Variants in ADAMTS12 observed in about 807,000 individuals in gnomAD.
ADAMTS12 encodes A disintegrin and metalloproteinase with thrombospondin motifs 12.
In ADAMTS12, 118 loss-of-function variants were observed where a neutral mutation model predicts 167.8. The observed-to-expected ratio is 0.70, with a 90% confidence interval of 0.61 to 0.82. The LOEUF is 0.82. Ranked by LOEUF, ADAMTS12 falls within the 40% of genes least tolerant of loss-of-function variation. The pLI, the probability that ADAMTS12 is intolerant of heterozygous loss-of-function variation, is 0.00. For missense variants in ADAMTS12, 1,916 were observed against 1,998.8 expected (o/e 0.96, Z 0.79); for synonymous variants, 704 against 716.9 (o/e 0.98, Z 0.29).
At chr5:33,717,280 C>A (rs113445166) in intron 3 of ADAMTS12, among the ~76,000 whole-genome samples, 30 of 152,086 alleles carry the variant, frequency 2.0e-4, no homozygotes, top group Non-Finnish European at 4.4e-5. Flanking sequence ...CCTCTCTGCA[C>A]CCAAATTTCA....
At position 33,796,567 on chromosome 5, in the gene ADAMTS12, C is replaced by T. The variant is rs535467436; in HGVS notation, c.490-45019G>A. On this transcript the variant is annotated intron_variant, in intron 2 of 23. Coordinates refer to ENST00000504830, the MANE Select transcript of ADAMTS12 (RefSeq NM_030955.4). Reference sequence around the variant, plus strand: ...AGGCAGATGGAGAGCTGAATTCCCTCATCCCTTGTGGTTGGATGGGGCCTC... The same window carrying T: ...AGGCAGATGGAGAGCTGAATTCCCTTATCCCTTGTGGTTGGATGGGGCCTC... Among the ~76,000 whole-genome samples the T allele has an allele frequency of 2.6e-5, 4 of 152,320 alleles. No individual in the cohort carries two copies. In the South Asian group the frequency reaches 8.3e-4, roughly 32 times the overall value.
At chr5:33,686,922 A>AATATAT (rs369832766) in intron 3 of ADAMTS12, among the ~76,000 whole-genome samples, 20,824 of 137,886 alleles carry the variant, frequency 0.15, 1,649 homozygotes, top group East Asian at 0.24. Flanking sequence ...ATAGGCACTG[A>AATATAT]ATATATATAT....
At chr5:33,842,819 C>T (rs1425168882) in intron 2 of ADAMTS12, among the ~76,000 whole-genome samples, 1 of 152,188 alleles carries the variant, frequency 6.6e-6, no homozygotes, top group Non-Finnish European at 1.5e-5. Context: ...TGCGAACACA[C>T]ATTCAGAAAG....
In ADAMTS12 at chr5:33,835,690, C is replaced by T. The variant is rs869161721; in HGVS notation, c.489+45429G>A. The stretch of plus-strand genomic sequence containing the variant: ...CCTAATCACCTCCCAATGGCCCTAC[C>T]CCTAATACCATTACCTTGGGGGTAA... On this transcript the variant is annotated intron_variant, in intron 2 of 23. Coordinates refer to ENST00000504830, the MANE Select transcript of ADAMTS12 (RefSeq NM_030955.4). Among the ~76,000 whole-genome samples the T allele has an allele frequency of 3.9e-5, 6 of 151,996 alleles. No homozygotes were observed. The South Asian group carries it at 1.0e-3, about 26-fold the overall frequency.
At position 33,780,908 on chromosome 5, in the gene ADAMTS12, G is replaced by C. The variant is rs1460353109; in HGVS notation, c.490-29360C>G. Among the ~76,000 whole-genome samples, 5 of 152,068 alleles carry C rather than the reference G, an allele frequency of 3.3e-5. No homozygotes were observed. In the South Asian group the frequency reaches 1.0e-3, roughly 31 times the overall value. On this transcript the variant is annotated intron_variant, in intron 2 of 23. Coordinates refer to ENST00000504830, the MANE Select transcript of ADAMTS12 (RefSeq NM_030955.4). ...CATGCAGCAGGAGTGGTCTCATCAGGGAATCTCAGTGGTGGGATGGCATAA... is the reference window on the plus strand; with the variant it reads ...CATGCAGCAGGAGTGGTCTCATCAGCGAATCTCAGTGGTGGGATGGCATAA...
intron 2 of ADAMTS12, among the ~76,000 whole-genome samples, chr5:33,835,073 C>T (rs960043390): frequency 2.0e-5 from 3 of 152,188 alleles, no homozygotes; most frequent in African/African-American, 7.2e-5. Context: ...AATACTATCT[C>T]TTTAAACTTC....
chr5:33,589,206 A>T (rs571254948), intron 17 of ADAMTS12, among the ~76,000 whole-genome samples: 2 of 152,320 alleles, frequency 1.3e-5, no homozygotes, highest in South Asian at 4.1e-4. Context: ...GAAATGAAAG[A>T]CCAATTCATG....
At chr5:33,628,027 G>A (rs1739742797) in intron 13 of ADAMTS12, among the ~76,000 whole-genome samples, 1 of 152,124 alleles carries the variant, frequency 6.6e-6, no homozygotes, top group Admixed American at 6.5e-5. Context: ...GGGTGTGATG[G>A]GGTTGATCCA....
At chr5:33,856,696 A>G (rs1162281306) in intron 2 of ADAMTS12, among the ~76,000 whole-genome samples, 1 of 152,188 alleles carries the variant, frequency 6.6e-6, no homozygotes, top group East Asian at 1.9e-4. Flanking sequence ...TATCAAAACC[A>G]CTAGATATAG....
At chr5:33,713,486 T>C (rs1743482335) in intron 3 of ADAMTS12, among the ~76,000 whole-genome samples, 1 of 152,092 alleles carries the variant, frequency 6.6e-6, no homozygotes. Flanking sequence ...GCATTTTTAA[T>C]CCTCAAAACC....
rs1748857622 is a variant in ADAMTS12 at position 33,844,232 on chromosome 5, C to T, written c.489+36887G>A. 2.6e-5 allele frequency among the ~76,000 whole-genome samples: 4 copies of T among 152,080 alleles called. No homozygotes were observed. The South Asian group carries it at 8.3e-4, about 32-fold the overall frequency. On this transcript the variant is annotated intron_variant, in intron 2 of 23. Coordinates refer to ENST00000504830, the MANE Select transcript of ADAMTS12 (RefSeq NM_030955.4). ...GTGTTTGAACAATATGAAATCTGGG[C>T]ACCTTGAAAAAAGAACAGGATAACA...
intron 5 of ADAMTS12, among the ~76,000 whole-genome samples, chr5:33,671,149 A>C (rs540416086): frequency 9.2e-4 from 140 of 152,338 alleles, no homozygotes; most frequent in African/African-American, 3.1e-3. Flanking sequence ...AGTGCTTATC[A>C]GGGATCAGGT....
At chr5:33,637,819 T>C in intron 11 of ADAMTS12, 73 bp from the exon 12 acceptor site, 1 of 1,502,502 alleles carries the variant, frequency 6.7e-7, no homozygotes, top group South Asian at 1.3e-5. Flanking sequence ...ACTCCTCTGG[T>C]ATCTGGCCTT....
At chr5:33,551,711 C>T (rs549205377) in intron 20 of ADAMTS12, among the ~76,000 whole-genome samples, 2 of 152,246 alleles carry the variant, frequency 1.3e-5, no homozygotes, top group East Asian at 3.9e-4. Context: ...TGTGCACATT[C>T]AGTGGGAAAT....
At chr5:33,866,941 T>A (rs13361174) in intron 2 of ADAMTS12, among the ~76,000 whole-genome samples, 3,703 of 151,508 alleles carry the variant, frequency 0.024, 143 homozygotes, top group African/African-American at 0.085. Flanking sequence ...AAAAAAAAAA[T>A]AAATAAATAA....
chr5:33,864,085 C>T (rs189211742), intron 2 of ADAMTS12, among the ~76,000 whole-genome samples: 2 of 152,094 alleles, frequency 1.3e-5, no homozygotes, highest in Non-Finnish European at 2.9e-5. Context: ...AATGTTAGAC[C>T]TAAAACCATA....
chr5:33,654,327 T>C (rs1561196627), intron 7 of ADAMTS12, among the ~76,000 whole-genome samples: 1 of 152,214 alleles, frequency 6.6e-6, no homozygotes, highest in Non-Finnish European at 1.5e-5. Context: ...GTTTGAGATA[T>C]TCTGGTTCTT....
At chr5:33,553,993 C>T (rs1206632739) in intron 20 of ADAMTS12, among the ~76,000 whole-genome samples, 1 of 152,150 alleles carries the variant, frequency 6.6e-6, no homozygotes, top group Non-Finnish European at 1.5e-5. Flanking sequence ...GTATCTCTAC[C>T]CTAAGTGGTT....
At chr5:33,855,577 A>C in intron 2 of ADAMTS12, among the ~76,000 whole-genome samples, 1 of 152,220 alleles carries the variant, frequency 6.6e-6, no homozygotes, top group East Asian at 1.9e-4. Context: ...TTAAACAGGG[A>C]AACGAGTCAT....
Sources: gnomAD v4.1 joint callset for allele counts (sites outside exome capture counted in the v4.1 genomes callset) on GRCh38, gnomAD v4.1.1 for gene constraint, MANE v1.5 for transcripts, NCBI Gene and HGNC (gene_info 2026-07-23, HGNC 2026-07-21) for gene names.